The following NRXN3 variants were observed in gnomAD, a reference collection of about 807,000 sequenced individuals.
The protein encoded by NRXN3 is neurexin 3.
Under a neutral mutation model 137.6 loss-of-function variants are expected in NRXN3, and 32 were observed. The ratio of observed to expected loss-of-function variants is 0.23; its 90% CI spans 0.18 to 0.31. The LOEUF is 0.31. Ranked by LOEUF, NRXN3 falls within the 10% of genes least tolerant of loss-of-function variation. The pLI is 1.00. For missense variants in NRXN3, 1,574 were observed against 2,062.5 expected, an observed-to-expected ratio of 0.76 and a Z score of 4.59; for synonymous variants, 798 against 784.5, an observed-to-expected ratio of 1.02 and a Z score of -0.29.
intron 19 of NRXN3, among the ~76,000 whole-genome samples, chr14:79,786,425 C>T (rs982118366): frequency 2.0e-5 from 3 of 152,102 alleles, no homozygotes; most frequent in South Asian, 2.1e-4. Context: ...CTATGTGTGC[C>T]GAGCAATTGG....
intron 15 of NRXN3, among the ~76,000 whole-genome samples, chr14:79,266,390 A>G (rs561197974): frequency 6.6e-6 from 1 of 152,106 alleles, no homozygotes; most frequent in African/African-American, 2.4e-5. Flanking sequence ...CCAAATATAT[A>G]TGCTTTCTCT....
intron 4 of NRXN3, among the ~76,000 whole-genome samples, chr14:78,605,891 A>T (rs763571571): frequency 1.3e-5 from 2 of 152,212 alleles, no homozygotes; most frequent in Non-Finnish European, 2.9e-5. Flanking sequence ...TAATAAAATA[A>T]TCACAAAGTT....
intron 10 of NRXN3, among the ~76,000 whole-genome samples, chr14:78,866,855 T>C (rs1596664348): frequency 6.8e-6 from 1 of 146,892 alleles, no homozygotes. Context: ...TGGAGTACAG[T>C]GGCACGGTCT....
At chr14:79,238,695 A>G (rs8011208) in intron 15 of NRXN3, among the ~76,000 whole-genome samples, 46,039 of 151,970 alleles carry the variant, frequency 0.3, 7,490 homozygotes, top group Middle Eastern at 0.45. Flanking sequence ...CATTTTTAAA[A>G]AGGCATTCCA....
chr14:78,555,797 C>T lies in NRXN3; in HGVS notation c.758-89323C>T, dbSNP rs914787866. Among the ~76,000 whole-genome samples the T allele has an allele frequency of 3.9e-5, 6 of 152,254 alleles. No homozygotes were observed. The South Asian group carries it at 8.3e-4, about 21-fold the overall frequency. Reference sequence around the variant, plus strand: ...CCAGAGGAAAATAAAAATTTTATTTCCAACGTTGTGCCAAGATGGTGGCAA... The same window carrying T: ...CCAGAGGAAAATAAAAATTTTATTTTCAACGTTGTGCCAAGATGGTGGCAA... On this transcript the variant is annotated intron_variant, in intron 4 of 20. Coordinates refer to ENST00000335750, the MANE Select transcript of NRXN3 (RefSeq NM_001330195.2).
chr14:78,778,754 CTTTCTCTT>C (rs1297110948), intron 8 of NRXN3, among the ~76,000 whole-genome samples: 10 of 105,254 alleles, frequency 9.5e-5, no homozygotes, highest in South Asian at 3.1e-4. Flanking sequence ...TTCTTTCCTT[CTTTCTCTT>C]TCTTTCTTTC....
intron 4 of NRXN3, among the ~76,000 whole-genome samples, chr14:78,618,590 G>T (rs985336409): frequency 6.6e-6 from 1 of 152,198 alleles, no homozygotes. Context: ...CACACGCTGA[G>T]CATCAGGGCT....
intron 6 of NRXN3, among the ~76,000 whole-genome samples, chr14:78,692,168 A>C (rs2098177576): frequency 1.3e-5 from 2 of 152,194 alleles, no homozygotes; most frequent in African/African-American, 4.8e-5. Flanking sequence ...ACCTGCTTCC[A>C]TGGCAGTCCA....
At chr14:78,282,736 G>C (rs1490970789) in intron 3 of NRXN3, among the ~76,000 whole-genome samples, 1 of 152,134 alleles carries the variant, frequency 6.6e-6, no homozygotes, top group Non-Finnish European at 1.5e-5. Flanking sequence ...GTCATCTCAG[G>C]CTGTCCTTGG....
At chr14:78,831,182 G>A (rs1282267139) in intron 10 of NRXN3, among the ~76,000 whole-genome samples, 1 of 152,108 alleles carries the variant, frequency 6.6e-6, no homozygotes, top group East Asian at 1.9e-4. Context: ...GCCTAAGCTG[G>A]TGATAAGGCT....
At chr14:78,697,288 T>C (rs1482105777) in intron 6 of NRXN3, among the ~76,000 whole-genome samples, 2 of 151,956 alleles carry the variant, frequency 1.3e-5, no homozygotes, top group Non-Finnish European at 2.9e-5. Flanking sequence ...CCTATTTCTC[T>C]ATTATTTCTA....
At chr14:79,635,023 A>G (rs1394115237) in intron 16 of NRXN3, among the ~76,000 whole-genome samples, 1 of 152,214 alleles carries the variant, frequency 6.6e-6, no homozygotes, top group South Asian at 2.1e-4. Context: ...GGGTAACTAG[A>G]GTTAACAATA....
intron 4 of NRXN3, among the ~76,000 whole-genome samples, chr14:78,521,489 A>G (rs974952837): frequency 1.3e-5 from 2 of 152,232 alleles, no homozygotes; most frequent in Non-Finnish European, 2.9e-5. Context: ...CATGCTATGC[A>G]GAAGTGCTCT....
chr14:78,714,146 C>G (rs1314429834), intron 7 of NRXN3, among the ~76,000 whole-genome samples: 1 of 152,172 alleles, frequency 6.6e-6, no homozygotes, highest in Non-Finnish European at 1.5e-5. Flanking sequence ...ACTGGCAGGG[C>G]TGGTAGTGAA....
chr14:79,387,745 A>G (rs984091802), intron 15 of NRXN3, among the ~76,000 whole-genome samples: 19 of 152,020 alleles, frequency 1.2e-4, no homozygotes, highest in African/African-American at 4.6e-4. Flanking sequence ...AAAATGTGGC[A>G]CATATACACC....
chr14:78,455,231 T>C (rs1330039647), intron 4 of NRXN3, among the ~76,000 whole-genome samples: 3 of 152,204 alleles, frequency 2.0e-5, no homozygotes, highest in Non-Finnish European at 4.4e-5. Context: ...GCCCTCCTTC[T>C]ATACTTCCAC....
intron 15 of NRXN3, among the ~76,000 whole-genome samples, chr14:79,123,220 TGTGTGTGCGCGC>T (rs1221793223): frequency 6.6e-6 from 1 of 151,868 alleles, no homozygotes. Flanking sequence ...TGTGTGCGTG[TGTGTGTGCGCGC>T]GTGTGTGCGT....
At chr14:78,856,006 C>T (rs2099056109) in intron 10 of NRXN3, among the ~76,000 whole-genome samples, 1 of 152,140 alleles carries the variant, frequency 6.6e-6, no homozygotes, top group African/African-American at 2.4e-5. Flanking sequence ...GTCTTCTTTC[C>T]TCATTGGTAC....
chr14:79,044,190 A>G (rs1484548260), intron 15 of NRXN3, among the ~76,000 whole-genome samples: 1 of 152,224 alleles, frequency 6.6e-6, no homozygotes, highest in African/African-American at 2.4e-5. Context: ...GACTTTCAAC[A>G]TCTATCTCTG....
Sources: allele counts gnomAD v4.1 joint callset (sites outside exome capture counted in the v4.1 genomes callset), GRCh38; gene constraint gnomAD v4.1.1; transcripts MANE v1.5; gene names NCBI Gene and HGNC (gene_info 2026-07-23, HGNC 2026-07-21).